SF3A3: variants seen among roughly 807,000 people sequenced by gnomAD.
SF3A3 encodes the protein SAP 61.
A neutral mutation model predicts 85.8 loss-of-function variants in SF3A3; 9 were observed. The observed-to-expected ratio is 0.10, with a 90% CI of 0.06 to 0.18. The LOEUF (loss-of-function observed/expected upper bound fraction) is 0.18, where lower values mean the gene tolerates loss of function less well. Ranked by LOEUF, SF3A3 falls within the 10% of genes least tolerant of loss-of-function variation. The pLI, the probability that SF3A3 is intolerant of heterozygous loss-of-function variation, is 1.00. For missense variants in SF3A3, 306 were observed against 593.3 expected, an observed-to-expected ratio of 0.52 and a Z score of 5.03; for synonymous variants, 195 against 204.4, an observed-to-expected ratio of 0.95 and a Z score of 0.39.
At chr1:37,960,250 C>T (rs1391574262) in intron 15 of SF3A3, 75 bp from the exon 16 acceptor site, 2 of 1,363,210 alleles carry the variant, frequency 1.5e-6, no homozygotes, top group African/African-American at 1.4e-5. Context: ...AATCCTCTCT[C>T]CCTGCCATTA....
intron 4 of SF3A3, among the ~76,000 whole-genome samples, chr1:37,985,950 T>TTC (rs1646453672): frequency 1.9e-4 from 1 of 5,174 alleles, no homozygotes; most frequent in African/African-American, 3.7e-4. Flanking sequence ...CCTACCAGAC[T>TTC]TTTTTTTTTT....
intron 11 of SF3A3, 101 bp from the exon 12 acceptor site, chr1:37,977,054 T>C (rs1255363095): frequency 9.8e-6 from 8 of 817,016 alleles, no homozygotes; most frequent in Non-Finnish European, 1.7e-5. Context: ...TTAAAAATTA[T>C]AAGCACATGA....
At position 37,989,916 on chromosome 1, in the gene SF3A3, C is replaced by T; in HGVS notation, c.50G>A (p.Arg17Gln). The T allele has an allele frequency of 6.2e-7, 1 of 1,613,698 alleles. No homozygotes were observed. The highest frequency in any genetic ancestry group is 8.5e-7 in the Non-Finnish European group (1 of 1,179,932). Residue 17 changes from arginine (R) to glutamine (Q), a missense_variant, in exon 1 of 17, where the codon CGG becomes CAG. This residue lies in a region of SF3A3 where 152 missense variants were observed against 192.0 expected (regional missense o/e 0.79). Transcript: ENST00000373019. ...CTCTTTAGCCATGACGTCCATGAGCCGTTCCTTCTCCTCATGATAGCGCCG... is the reference window on the plus strand; with the variant it reads ...CTCTTTAGCCATGACGTCCATGAGCTGTTCCTTCTCCTCATGATAGCGCCG... ...QQRRYHEEKE[R>Q]LMDVMAKEML...
chr1:37,962,583 A>C (rs538453952), intron 15 of SF3A3, among the ~76,000 whole-genome samples: 1 of 141,736 alleles, frequency 7.1e-6, no homozygotes, highest in African/African-American at 2.7e-5. Flanking sequence ...AGTCTGGGCA[A>C]CAAGAGCGAA....
chr1:37,970,452 A>C (rs940987905), intron 12 of SF3A3, among the ~76,000 whole-genome samples: 1 of 152,176 alleles, frequency 6.6e-6, no homozygotes, highest in African/African-American at 2.4e-5. Context: ...CAGATCAACG[A>C]GACAAAGTTA....
At chr1:37,984,648 T>G in intron 5 of SF3A3, 59 bp downstream of exon 5, 26 of 1,113,470 alleles carry the variant, frequency 2.3e-5, no homozygotes, top group Non-Finnish European at 3.0e-5. Context: ...GCTGCAAATC[T>G]GAGCTGTCAT....
intron 16 of SF3A3, among the ~76,000 whole-genome samples, chr1:37,959,070 AC>A (rs113873649): frequency 3.8e-4 from 57 of 148,316 alleles, no homozygotes; most frequent in African/African-American, 1.2e-3. Context: ...TGCCATTTCA[AC>A]TTTTTTTTCT....
intron 15 of SF3A3, among the ~76,000 whole-genome samples, chr1:37,962,679 C>T (rs1368772172): frequency 6.7e-6 from 1 of 150,064 alleles, no homozygotes; most frequent in African/African-American, 2.4e-5. Context: ...GTGGCAATTT[C>T]AGAGGGCTCT....
chr1:37,979,104 G>A, intron 9 of SF3A3, 49 bp from the exon 10 acceptor site: 1 of 1,522,416 alleles, frequency 6.6e-7, no homozygotes, highest in Non-Finnish European at 9.1e-7. Context: ...AGATTTTTGG[G>A]AAACCCCAAA....
At chr1:37,969,330 G>T in intron 14 of SF3A3, 24 bp downstream of exon 14, 1 of 1,549,054 alleles carries the variant, frequency 6.5e-7, no homozygotes. Flanking sequence ...CAATTCCCAG[G>T]AAAAATGGCT....
intron 16 of SF3A3, among the ~76,000 whole-genome samples, chr1:37,959,814 C>T (rs772804469): frequency 3.3e-5 from 5 of 151,906 alleles, no homozygotes; most frequent in East Asian, 1.9e-4. Context: ...AAAAATTAGT[C>T]GGGTGTGGTG....
intron 8 of SF3A3, 133 bp downstream of exon 8, chr1:37,980,452 CA>C (rs1646410224): frequency 1.1e-6 from 1 of 902,326 alleles, no homozygotes; most frequent in Non-Finnish European, 1.6e-6. Flanking sequence ...GCATACTTGG[CA>C]GGGAATACCT....
At chr1:37,959,954 TG>T (rs1646245667) in intron 16 of SF3A3, among the ~76,000 whole-genome samples, 165 bp downstream of exon 16, 2 of 36,674 alleles carry the variant, frequency 5.5e-5, no homozygotes, top group African/African-American at 2.4e-4. Context: ...CGAGACTCCG[TG>T]TCAAAAAAAA....
At chr1:37,988,062 G>C (rs1646468244) in intron 2 of SF3A3, among the ~76,000 whole-genome samples, 1 of 152,108 alleles carries the variant, frequency 6.6e-6, no homozygotes, top group Non-Finnish European at 1.5e-5. Flanking sequence ...TTTTAAGCAG[G>C]TCGATTGGAA....
rs1570464233 is a variant in SF3A3 at position 37,977,053 on chromosome 1, A to G, written c.936-100T>C. On this transcript the variant is annotated intron_variant, in intron 11 of 16. Transcript: ENST00000373019. ...TTATTGCACAACTGCATTAAAAATT[A>G]TAAGCACATGAGAAATACGATGCTA... 7.3e-6 allele frequency: 6 copies of G among 821,980 alleles called. No individual in the cohort carries two copies. In the East Asian group the frequency reaches 1.5e-4, roughly 20 times the overall value. 50.9% of individuals were successfully genotyped at this position (821,980 alleles called of 1,614,324 possible). A position where few individuals can be genotyped will look rare whatever the true frequency, so the allele number is the denominator to read the frequency against.
intron 4 of SF3A3, 48 bp downstream of exon 4, chr1:37,987,525 G>GT: frequency 7.6e-7 from 1 of 1,323,290 alleles, no homozygotes; most frequent in Non-Finnish European, 1.1e-6. Context: ...CTTTCCTTTA[G>GT]TATGCTTTAA....
intron 15 of SF3A3, among the ~76,000 whole-genome samples, chr1:37,964,803 T>C (rs545494005): frequency 9.8e-5 from 15 of 152,330 alleles, no homozygotes; most frequent in Admixed American, 7.2e-4. Flanking sequence ...ATTTTGCTGC[T>C]GTGTTTCTAT....
chr1:37,965,496 G>A (rs1428664265), intron 15 of SF3A3, among the ~76,000 whole-genome samples: 2 of 151,848 alleles, frequency 1.3e-5, no homozygotes, highest in African/African-American at 2.4e-5. Flanking sequence ...GATCACGCCT[G>A]CAATCCCAGC....
Position 37,960,070 on chromosome 1 carries a change from G to A in SF3A3, c.1428+50C>T, listed in dbSNP as rs778230376. ...CACCTCCTTTCTACATGGTGAGGGA[G>A]CTCTCTATCACTTGACACTATCCCT... On this transcript the variant is annotated intron_variant, in intron 16 of 16. Transcript: ENST00000373019. The A allele has an allele frequency of 4.1e-6, 6 of 1,471,046 alleles. No individual in the cohort carries two copies. In the East Asian group the frequency reaches 6.8e-5, roughly 17 times the overall value. The allele number at this position is 1,471,046 out of a possible 1,614,324, so 91.1% of individuals were successfully genotyped here.
Sources: allele counts gnomAD v4.1 joint callset (sites outside exome capture counted in the v4.1 genomes callset), GRCh38; gene constraint gnomAD v4.1.1; regional missense constraint gnomAD v4.1.1; transcripts MANE v1.5; gene names NCBI Gene and HGNC (gene_info 2026-07-23, HGNC 2026-07-21).